FAM171A1: variants seen among roughly 807,000 people sequenced by gnomAD.
FAM171A1 encodes protein FAM171A1.
FAM171A1 carries 23 observed loss-of-function variants against 74.9 expected under a neutral mutation model. The ratio of observed to expected loss-of-function variants is 0.31; its 90% CI spans 0.22 to 0.44. The LOEUF is 0.44. Among genes scored for constraint, FAM171A1 ranks in the 20% least tolerant of loss-of-function variants. The probability of loss-of-function intolerance (pLI) is 1.00; values close to 1 mark genes in which losing one functional copy is unlikely to be tolerated. For missense variants in FAM171A1, 1,162 were observed against 1,159.2 expected, an observed-to-expected ratio of 1.00 and a Z score of -0.03; for synonymous variants, 527 against 505.7, an observed-to-expected ratio of 1.04 and a Z score of -0.57.
At chr10:15,235,347 G>C (rs1374085734) in intron 5 of FAM171A1, among the ~76,000 whole-genome samples, 1 of 145,112 alleles carries the variant, frequency 6.9e-6, no homozygotes, top group South Asian at 2.2e-4. Context: ...TATCCAGTCA[G>C]CTGAGTCGGC....
chr10:15,347,051 T>C (rs1397809782), intron 1 of FAM171A1, among the ~76,000 whole-genome samples: 2 of 152,164 alleles, frequency 1.3e-5, no homozygotes, highest in East Asian at 3.9e-4. Context: ...GACCTAGACA[T>C]TTGTTAAAAT....
chr10:15,310,256 T>C lies in FAM171A1; in HGVS notation c.98-26151A>G, dbSNP rs374781604. 9.2e-5 allele frequency among the ~76,000 whole-genome samples: 14 copies of C among 152,308 alleles called. 1 individual carries two copies. The highest frequency in any genetic ancestry group is 3.1e-4 in the African/African-American group (13 of 41,574). On this transcript the variant is annotated intron_variant, in intron 1 of 7. Transcript: ENST00000378116. ...AAATCCCTAAACAGCATCTTTTTTATGTATGGGATAATCTAGTTTCCAATA... is the reference window on the plus strand; with the variant it reads ...AAATCCCTAAACAGCATCTTTTTTACGTATGGGATAATCTAGTTTCCAATA...
chr10:15,303,057 C>T (rs1476413683), intron 1 of FAM171A1, among the ~76,000 whole-genome samples: 1 of 151,938 alleles, frequency 6.6e-6, no homozygotes, highest in East Asian at 1.9e-4. Context: ...GGCTTGGTGG[C>T]GGGTACCTGT....
At chr10:15,235,539 T>C (rs1834277188) in intron 5 of FAM171A1, among the ~76,000 whole-genome samples, 1 of 152,160 alleles carries the variant, frequency 6.6e-6, no homozygotes, top group Non-Finnish European at 1.5e-5. Context: ...TTCCCATCTC[T>C]CAACATACTT....
chr10:15,370,710 C>T lies in FAM171A1; in HGVS notation c.97+246G>A, dbSNP rs564864895. The stretch of plus-strand genomic sequence containing the variant: ...CGACAGCAGCTGGAGCTGCCCGCGC[C>T]CCCGCCCGACCCAGCCCCCGATCCC... On this transcript the variant is annotated intron_variant, in intron 1 of 7. Coordinates refer to ENST00000378116, the MANE Select transcript of FAM171A1 (RefSeq NM_001010924.2). 2.0e-5 allele frequency among the ~76,000 whole-genome samples: 3 copies of T among 151,170 alleles called. No individual in the cohort carries two copies. In the South Asian group the frequency reaches 6.2e-4, roughly 31 times the overall value.
Position 15,350,042 on chromosome 10 carries a change from T to C in FAM171A1, c.97+20914A>G, listed in dbSNP as rs578213086. On this transcript the variant is annotated intron_variant, in intron 1 of 7. Transcript: ENST00000378116. ...ATGATAATAATCTGTGAGAGGGAGA[T>C]AGATCAGACACGGCACCCGGTTCAC... 2.0e-5 allele frequency among the ~76,000 whole-genome samples: 3 copies of C among 151,780 alleles called. No homozygotes were observed. The East Asian group carries it at 5.9e-4, about 30-fold the overall frequency.
chr10:15,247,690 C>A (rs1834452841), intron 5 of FAM171A1, among the ~76,000 whole-genome samples: 1 of 150,964 alleles, frequency 6.6e-6, no homozygotes, highest in African/African-American at 2.4e-5. Context: ...AAAGGCTGGT[C>A]TCAGACTCTT....
In FAM171A1 at chr10:15,212,825, G is replaced by T; in HGVS notation, c.*90C>A. The T allele has an allele frequency of 1.3e-6, 2 of 1,527,562 alleles. No individual in the cohort carries two copies. The highest frequency in any genetic ancestry group is 1.8e-6 in the Non-Finnish European group (2 of 1,134,650). The allele number at this position is 1,527,562 out of a possible 1,614,324, so 94.6% of individuals were successfully genotyped here. On this transcript the variant is annotated 3_prime_UTR_variant, in exon 8 of 8. Transcript: ENST00000378116. ...ACGTCCGTCCCACGGCTGGGCTGCC[G>T]TTCCGTTTCCTCCACGAACGGGTAC...
intron 1 of FAM171A1, among the ~76,000 whole-genome samples, chr10:15,305,977 G>T (rs989027091): frequency 1.3e-5 from 2 of 152,200 alleles, no homozygotes; most frequent in African/African-American, 4.8e-5. Flanking sequence ...AGAGCTCTTA[G>T]TGGAACTGCT....
intron 1 of FAM171A1, among the ~76,000 whole-genome samples, chr10:15,337,096 G>A (rs12768448): frequency 0.087 from 13,210 of 151,080 alleles, 649 homozygotes; most frequent in Middle Eastern, 0.11. Context: ...GCCCAGAATG[G>A]CCTTGAACTC....
intron 1 of FAM171A1, among the ~76,000 whole-genome samples, chr10:15,354,626 A>T (rs564176841): frequency 6.6e-6 from 1 of 152,186 alleles, no homozygotes; most frequent in Non-Finnish European, 1.5e-5. Flanking sequence ...CCTTTCTCCA[A>T]CAGCACTTCA....
chr10:15,259,508 T>C (rs1834629027), intron 3 of FAM171A1, among the ~76,000 whole-genome samples: 1 of 152,130 alleles, frequency 6.6e-6, no homozygotes, highest in South Asian at 2.1e-4. Context: ...CTGCACCTCT[T>C]CTCTAAATGA....
chr10:15,251,724 A>G (rs1025967483), intron 4 of FAM171A1, among the ~76,000 whole-genome samples: 1 of 151,984 alleles, frequency 6.6e-6, no homozygotes, highest in African/African-American at 2.4e-5. Flanking sequence ...TTCTGCAACA[A>G]TTCACATTTT....
chr10:15,335,874 C>T (rs746963766), intron 1 of FAM171A1, among the ~76,000 whole-genome samples: 3 of 151,982 alleles, frequency 2.0e-5, no homozygotes, highest in Non-Finnish European at 4.4e-5. Context: ...AGGAATACAT[C>T]CTTAAGATTG....
At chr10:15,336,229 T>G (rs1466256813) in intron 1 of FAM171A1, among the ~76,000 whole-genome samples, 2 of 152,162 alleles carry the variant, frequency 1.3e-5, no homozygotes, top group African/African-American at 4.8e-5. Flanking sequence ...ACCATCTGTA[T>G]GGCATCTGCC....
At chr10:15,232,744 G>A (rs992030486) in intron 5 of FAM171A1, among the ~76,000 whole-genome samples, 3 of 152,106 alleles carry the variant, frequency 2.0e-5, no homozygotes, top group Non-Finnish European at 2.9e-5. Context: ...GCATTGAAGC[G>A]GGAATCCACA....
chr10:15,276,367 T>C (rs879345425), intron 2 of FAM171A1, among the ~76,000 whole-genome samples: 5 of 152,070 alleles, frequency 3.3e-5, no homozygotes, highest in Admixed American at 6.5e-5. Flanking sequence ...TTTTGGTAGA[T>C]ACAGGGTTTT....
chr10:15,289,641 T>C (rs547874923), intron 1 of FAM171A1, among the ~76,000 whole-genome samples: 7 of 152,244 alleles, frequency 4.6e-5, no homozygotes, highest in Admixed American at 2.6e-4. Flanking sequence ...AGCTATCCAA[T>C]ACACTCAGCT....
rs1024462796 is a variant in FAM171A1 at position 15,311,005 on chromosome 10, T to G, written c.98-26900A>C. On this transcript the variant is annotated intron_variant, in intron 1 of 7. Transcript: ENST00000378116. ...AGGAGGGGCTGAGTCCAGGCCAGCA[T>G]GAGATACAGGGGACCTAGGGCTGCT... Among the ~76,000 whole-genome samples, 3 of 152,076 alleles carry G rather than the reference T, an allele frequency of 2.0e-5. No individual in the cohort carries two copies. In the South Asian group the frequency reaches 6.2e-4, roughly 32 times the overall value.
Sources: gnomAD v4.1 joint callset for allele counts (sites outside exome capture counted in the v4.1 genomes callset) on GRCh38, gnomAD v4.1.1 for gene constraint, MANE v1.5 for transcripts, NCBI Gene and HGNC (gene_info 2026-07-23, HGNC 2026-07-21) for gene names.